BCORL1: variants seen among roughly 807,000 people sequenced by gnomAD.
The protein encoded by BCORL1 is BCL6 corepressor like 1.
Under a neutral mutation model 87.6 loss-of-function variants are expected in BCORL1, and 7 were observed. The ratio of observed to expected loss-of-function variants is 0.08; its 90% CI spans 0.05 to 0.15. BCORL1 has a LOEUF of 0.15. BCORL1 is among the 10% of genes least tolerant of loss of function. BCORL1 has a pLI of 1.00. For missense variants in BCORL1, 1,215 were observed against 1,499.7 expected (o/e 0.81, Z 3.13); for synonymous variants, 591 against 634.4 (o/e 0.93, Z 1.03).
Position 130,056,736 on chromosome X carries a change from T to C in BCORL1, c.*600T>C, listed in dbSNP as rs921235760. 2.7e-5 allele frequency: 3 copies of C among 111,350 alleles called. No homozygotes were observed. Among genetic ancestry groups the C allele is most frequent in the East Asian group, 5.7e-4 (2 of 3,534 alleles). 9.2% of individuals were successfully genotyped at this position (111,350 alleles called of 1,213,427 possible). On this transcript the variant is annotated 3_prime_UTR_variant, in exon 14 of 14. Transcript: ENST00000540052. ...ACAAAGCTATTCCCTGGTGTTTTTT[T>C]CCCCCACTGGGGAGGGGGTGAGGTG... is the stretch of plus-strand genomic sequence containing the variant.
intron 10 of BCORL1, among the ~76,000 whole-genome samples, chrX:130,038,899 AAG>A (rs1491551113): frequency 9.0e-6 from 1 of 111,498 alleles, no homozygotes; most frequent in African/African-American, 3.3e-5. Flanking sequence ...AGGGGAACGT[AAG>A]AGAGAGAGAG....
intron 2 of BCORL1, among the ~76,000 whole-genome samples, chrX:130,012,351 G>C (rs1029323023): frequency 9.0e-6 from 1 of 111,325 alleles, no homozygotes; most frequent in Non-Finnish European, 1.9e-5. Context: ...AAAGAGGGGG[G>C]TCTAGTCAGA....
At chrX:129,991,913 C>A (rs1488001354) in intron 1 of BCORL1, among the ~76,000 whole-genome samples, 1 of 104,217 alleles carries the variant, frequency 9.6e-6, no homozygotes, top group African/African-American at 3.5e-5. Context: ...ATCCATCCAC[C>A]TCGGCCTCCC....
chrX:130,020,198 C>T (rs1280903257), intron 4 of BCORL1, among the ~76,000 whole-genome samples: 1 of 112,271 alleles, frequency 8.9e-6, no homozygotes, highest in Non-Finnish European at 1.9e-5. Context: ...GTCCCTGAGC[C>T]AGTGGACACA....
Position 130,015,475 on chromosome X carries a change from T to C in BCORL1, c.2703T>C (p.Pro901=). ...PGGSFVPEQD[P]VTKNKTCRIA... ...GCTCCTTCGTTCCAGAGCAGGACCC[T>C]GTTACAAAGAACAAAACTTGCCGGA... Residue 901 remains proline (P), a synonymous_variant, in exon 4 of 14, where the codon CCT becomes CCC. Transcript: ENST00000540052. 1 of 1,212,291 alleles carries C rather than the reference T, an allele frequency of 8.2e-7. No individual in the cohort carries two copies. The highest frequency in any genetic ancestry group is 1.1e-6 in the Non-Finnish European group (1 of 895,595).
chrX:130,030,218 T>A (rs1245718650), intron 8 of BCORL1, among the ~76,000 whole-genome samples: 1 of 111,897 alleles, frequency 8.9e-6, no homozygotes, highest in Admixed American at 9.5e-5. Flanking sequence ...AGGGTTGCTG[T>A]GCATCATTGT....
At chrX:130,028,908 GTCA>G in intron 8 of BCORL1, 47 bp downstream of exon 8, 2 of 288,065 alleles carry the variant, frequency 6.9e-6, no homozygotes, top group Non-Finnish European at 1.2e-5. Flanking sequence ...GTGGCGGGGG[GTCA>G]GAGGAGGCAG....
At chrX:129,999,208 C>T (rs940439924) in intron 1 of BCORL1, among the ~76,000 whole-genome samples, 8 of 105,926 alleles carry the variant, frequency 7.6e-5, no homozygotes, top group Non-Finnish European at 1.2e-4. Context: ...CAATACGAAA[C>T]CTGAGAGTGA....
At chrX:130,041,179 TG>T (rs1266306493) in intron 11 of BCORL1, among the ~76,000 whole-genome samples, 3 of 106,172 alleles carry the variant, frequency 2.8e-5, no homozygotes, top group Middle Eastern at 4.9e-3. Flanking sequence ...GAGACCAGCC[TG>T]GGCAACATAC....
At chrX:129,995,932 G>A (rs112635130) in intron 1 of BCORL1, among the ~76,000 whole-genome samples, 33 of 111,728 alleles carry the variant, frequency 3.0e-4, no homozygotes, top group African/African-American at 1.0e-3. Context: ...TCCTTGCTGG[G>A]TGTGTGTACA....
intron 1 of BCORL1, among the ~76,000 whole-genome samples, chrX:129,991,579 C>T (rs1927159879): frequency 1.9e-5 from 2 of 107,558 alleles, no homozygotes; most frequent in African/African-American, 6.8e-5. Flanking sequence ...TGAGCTCCAG[C>T]ATTCCTCCTG....
At chrX:130,020,222 T>G (rs1226963614) in intron 4 of BCORL1, among the ~76,000 whole-genome samples, 4 of 112,225 alleles carry the variant, frequency 3.6e-5, no homozygotes, top group African/African-American at 1.3e-4. Context: ...GATTGTGTGT[T>G]ACCCTGGACA....
intron 2 of BCORL1, among the ~76,000 whole-genome samples, chrX:130,011,143 C>G (rs900980827): frequency 9.2e-6 from 1 of 108,594 alleles, no homozygotes; most frequent in Non-Finnish European, 1.9e-5. Flanking sequence ...CGCACTGCAG[C>G]GTCTATGTTG....
intron 13 of BCORL1, among the ~76,000 whole-genome samples, chrX:130,054,895 G>A (rs902144524): frequency 1.8e-5 from 2 of 110,855 alleles, no homozygotes; most frequent in South Asian, 3.8e-4. Flanking sequence ...TAGAGACTCC[G>A]TCTTGGAAAA....
At chrX:130,003,203 C>T (rs1296723568) in intron 1 of BCORL1, among the ~76,000 whole-genome samples, 3 of 110,816 alleles carry the variant, frequency 2.7e-5, no homozygotes, top group African/African-American at 9.9e-5. Context: ...CAAATATCCA[C>T]GTGGCTACTC....
chrX:129,982,071 G>C (rs1205548909), upstream of BCORL1, among the ~76,000 whole-genome samples: 1 of 110,526 alleles, frequency 9.0e-6, no homozygotes, highest in Non-Finnish European at 1.9e-5. Flanking sequence ...ACACTGGATC[G>C]GCACCAGTGG....
At chrX:130,019,493 C>A (rs758168103) in intron 4 of BCORL1, among the ~76,000 whole-genome samples, 1 of 112,545 alleles carries the variant, frequency 8.9e-6, no homozygotes, top group Non-Finnish European at 1.9e-5. Context: ...CTTTCCTCCT[C>A]CTAACACTTT....
At chrX:129,994,800 GA>G (rs11392966) in intron 1 of BCORL1, among the ~76,000 whole-genome samples, 10 of 106,663 alleles carry the variant, frequency 9.4e-5, no homozygotes, top group South Asian at 3.9e-4. Context: ...ATTTGGATAG[GA>G]AAAAAAAAAT....
At chrX:130,036,744 G>A (rs1406905029) in intron 9 of BCORL1, among the ~76,000 whole-genome samples, 1 of 112,578 alleles carries the variant, frequency 8.9e-6, no homozygotes, top group Non-Finnish European at 1.9e-5. Context: ...GGCTTGCCAA[G>A]CTCAGGGAGT....
Sources: gnomAD v4.1 joint callset for allele counts (sites outside exome capture counted in the v4.1 genomes callset) on GRCh38, gnomAD v4.1.1 for gene constraint, MANE v1.5 for transcripts, NCBI Gene and HGNC (gene_info 2026-07-23, HGNC 2026-07-21) for gene names.